Variants in FABP12 observed in about 807,000 individuals in gnomAD.
FABP12 encodes fatty acid binding protein 12.
Under a neutral mutation model 13.7 loss-of-function variants are expected in FABP12, and 19 were observed. The observed-to-expected ratio is 1.39, with a 90% CI of 0.97 to 2.04. The LOEUF (loss-of-function observed/expected upper bound fraction) is 2.04. FABP12 is among the 30% of genes most tolerant of loss of function. The pLI, the probability that FABP12 is intolerant of heterozygous loss-of-function variation, is 0.00. For synonymous variants in FABP12, 61 were observed against 57.0 expected (o/e 1.07, Z -0.32); for missense variants, 182 against 164.2 (o/e 1.11, Z -0.59).
intron 1 of FABP12, among the ~76,000 whole-genome samples, chr8:81,579,909 G>GT (rs1433844498): frequency 6.6e-6 from 1 of 151,998 alleles, no homozygotes; most frequent in African/African-American, 2.4e-5. Context: ...TGAAAAAAAA[G>GT]TAACAGTGGG....
At chr8:81,544,297 CGAG>C (rs1809400453) in intron 1 of FABP12, among the ~76,000 whole-genome samples, 1 of 152,126 alleles carries the variant, frequency 6.6e-6, no homozygotes, top group Non-Finnish European at 1.5e-5. Context: ...AGTCTGAAAA[CGAG>C]ATGTTGGCAG....
upstream of FABP12, among the ~76,000 whole-genome samples, chr8:81,534,767 AC>A: frequency 6.6e-6 from 1 of 152,036 alleles, no homozygotes. Flanking sequence ...ACATGGCAAA[AC>A]CCCGTCTCTA....
upstream of FABP12, among the ~76,000 whole-genome samples, chr8:81,534,836 C>T (rs1383345435): frequency 6.6e-5 from 10 of 152,014 alleles, no homozygotes; most frequent in East Asian, 5.8e-4. Flanking sequence ...CCCAGCTTCT[C>T]GGGAGGCTGA....
intron 1 of FABP12, among the ~76,000 whole-genome samples, chr8:81,576,688 T>A (rs1263412050): frequency 6.6e-6 from 1 of 152,230 alleles, no homozygotes; most frequent in African/African-American, 2.4e-5. Flanking sequence ...ATGCTGTTAG[T>A]ATAGCCTAGG....
chr8:81,554,941 A>G (rs1263773128), intron 1 of FABP12, among the ~76,000 whole-genome samples: 1 of 152,176 alleles, frequency 6.6e-6, no homozygotes, highest in Non-Finnish European at 1.5e-5. Context: ...GATCTAAGAT[A>G]AAGTGGTTCT....
intron 4 of FABP12, chr8:81,526,204 A>G (rs776766198): frequency 7.2e-5 from 11 of 152,210 alleles, no homozygotes; most frequent in Non-Finnish European, 1.0e-4. Flanking sequence ...CCTACACACG[A>G]ATCTTGCATA....
chr8:81,555,630 G>A (rs148975130), intron 1 of FABP12, among the ~76,000 whole-genome samples: 13 of 152,190 alleles, frequency 8.5e-5, no homozygotes, highest in African/African-American at 2.2e-4. Context: ...AAAATGTATC[G>A]CAATTTTAAA....
chr8:81,537,170 T>C (rs1452627182), upstream of FABP12, among the ~76,000 whole-genome samples: 1 of 152,204 alleles, frequency 6.6e-6, no homozygotes, highest in Non-Finnish European at 1.5e-5. Flanking sequence ...TTTATAAAAG[T>C]AACATGAGAT....
At chr8:81,538,998 A>G (rs946059628) in intron 2 of FABP12, among the ~76,000 whole-genome samples, 4 of 151,972 alleles carry the variant, frequency 2.6e-5, no homozygotes, top group Non-Finnish European at 5.9e-5. Flanking sequence ...ACGGGCGTGC[A>G]CCACCACACC....
intron 1 of FABP12, among the ~76,000 whole-genome samples, chr8:81,557,149 G>A (rs1046892375): frequency 6.6e-6 from 1 of 151,890 alleles, no homozygotes; most frequent in South Asian, 2.1e-4. Flanking sequence ...TGCTGGGATT[G>A]CAGGCATGAG....
At chr8:81,566,208 G>A (rs1012646947) in intron 1 of FABP12, among the ~76,000 whole-genome samples, 8 of 151,944 alleles carry the variant, frequency 5.3e-5, no homozygotes, top group Non-Finnish European at 8.8e-5. Context: ...TCAGTGACCC[G>A]ATGGTGTCAC....
At chr8:81,587,513 G>A (rs759613557) in intron 1 of FABP12, among the ~76,000 whole-genome samples, 3 of 151,938 alleles carry the variant, frequency 2.0e-5, no homozygotes, top group Non-Finnish European at 2.9e-5. Flanking sequence ...TCACCTCCCT[G>A]GTTAGCTGTA....
intron 4 of FABP12, among the ~76,000 whole-genome samples, chr8:81,526,818 T>A (rs1808912719): frequency 6.6e-6 from 1 of 152,124 alleles, no homozygotes; most frequent in Non-Finnish European, 1.5e-5. Flanking sequence ...GATATTTTCA[T>A]TCTCTTTAGT....
chr8:81,546,578 G>C (rs1000240529), intron 1 of FABP12, among the ~76,000 whole-genome samples: 6 of 152,140 alleles, frequency 3.9e-5, no homozygotes, highest in African/African-American at 1.4e-4. Context: ...CAGGAGAATG[G>C]CGTCAACCTG....
chr8:81,578,997 T>A (rs1038996180), intron 1 of FABP12, among the ~76,000 whole-genome samples: 1 of 151,002 alleles, frequency 6.6e-6, no homozygotes, highest in Non-Finnish European at 1.5e-5. Flanking sequence ...CCCAGCTAAT[T>A]TTTTGTATTT....
At chr8:81,585,697 T>C (rs11989421) in intron 1 of FABP12, among the ~76,000 whole-genome samples, 2,919 of 152,324 alleles carry the variant, frequency 0.019, 65 homozygotes, top group African/African-American at 0.056. Context: ...ATTCTTCTAA[T>C]CCATGAGCAT....
rs755811880 is a variant in FABP12 at position 81,526,972 on chromosome 8, A to G, written c.348+48T>C. The G allele has an allele frequency of 3.8e-6, 4 of 1,059,420 alleles. No individual in the cohort carries two copies. The African/African-American group carries it at 4.8e-5, about 13-fold the overall frequency. 65.6% of individuals were successfully genotyped at this position (1,059,420 alleles called of 1,614,324 possible). ...GTTTGAGAACAAGTTGTGATTTTAT[A>G]TTAGTCGTTGCAGAAGGTGGGAAGA... On this transcript the variant is annotated intron_variant, in intron 4 of 4. Coordinates refer to ENST00000360464, the Ensembl canonical transcript of FABP12.
chr8:81,559,091 C>T (rs1809671687), intron 1 of FABP12, among the ~76,000 whole-genome samples: 1 of 152,136 alleles, frequency 6.6e-6, no homozygotes, highest in Non-Finnish European at 1.5e-5. Flanking sequence ...GCTACCATAT[C>T]TTGTTCTCTG....
intron 1 of FABP12, among the ~76,000 whole-genome samples, chr8:81,558,595 T>C (rs1178031958): frequency 1.3e-5 from 2 of 151,976 alleles, no homozygotes; most frequent in East Asian, 1.9e-4. Context: ...TTTAAGTGCA[T>C]AGAAGTTGGA....
Sources: allele counts gnomAD v4.1 joint callset (sites outside exome capture counted in the v4.1 genomes callset), GRCh38; gene constraint gnomAD v4.1.1; transcripts MANE v1.5; gene names NCBI Gene and HGNC (gene_info 2026-07-23, HGNC 2026-07-21).